IPCEF1: variants seen among roughly 807,000 people sequenced by gnomAD.
The protein encoded by IPCEF1 is interaction protein for cytohesin exchange factors 1.
Under a neutral mutation model 50.9 loss-of-function variants are expected in IPCEF1, and 31 were observed. The observed-to-expected ratio is 0.61, with a 90% CI of 0.46 to 0.82. The LOEUF (loss-of-function observed/expected upper bound fraction) is 0.82. IPCEF1 is among the 40% of genes least tolerant of loss of function. The pLI is 0.00. For missense variants in IPCEF1, 458 were observed against 514.0 expected (o/e 0.89, Z 1.05); for synonymous variants, 181 against 192.0 (o/e 0.94, Z 0.47).
chr6:154,246,521 G>T, intron 5 of IPCEF1, 70 bp downstream of exon 5: 3 of 1,483,734 alleles, frequency 2.0e-6, no homozygotes, highest in Non-Finnish European at 2.7e-6. Context: ...TTTCCCATAG[G>T]GATCACCTGA....
intron 1 of IPCEF1, among the ~76,000 whole-genome samples, chr6:154,327,145 A>G (rs948702952): frequency 1.3e-5 from 2 of 152,240 alleles, no homozygotes; most frequent in Non-Finnish European, 2.9e-5. Flanking sequence ...CATTCAGGAC[A>G]TAGTCACAGG....
At chr6:154,337,446 T>A (rs1783810901) in intron 1 of IPCEF1, among the ~76,000 whole-genome samples, 1 of 152,202 alleles carries the variant, frequency 6.6e-6, no homozygotes, top group African/African-American at 2.4e-5. Flanking sequence ...TTTGTCACAC[T>A]TACTCAAAGC....
At chr6:154,256,268 C>T (rs139756901) in intron 3 of IPCEF1, among the ~76,000 whole-genome samples, 1 of 152,112 alleles carries the variant, frequency 6.6e-6, no homozygotes, top group Non-Finnish European at 1.5e-5. Flanking sequence ...TCTCTCTGGT[C>T]TCTTCTTATA....
chr6:154,331,668 G>A (rs1413197258), intron 1 of IPCEF1, among the ~76,000 whole-genome samples: 1 of 152,168 alleles, frequency 6.6e-6, no homozygotes, highest in Non-Finnish European at 1.5e-5. Flanking sequence ...GCTCAAGCAT[G>A]TGCACTAAGA....
chr6:154,170,692 A>T (rs1799801357), intron 10 of IPCEF1, among the ~76,000 whole-genome samples: 1 of 152,206 alleles, frequency 6.6e-6, no homozygotes, highest in South Asian at 2.1e-4. Context: ...ACATGAAAAG[A>T]TGCTCAGTAT....
intron 1 of IPCEF1, among the ~76,000 whole-genome samples, chr6:154,346,642 T>G (rs1447475596): frequency 2.0e-5 from 3 of 152,184 alleles, no homozygotes; most frequent in Non-Finnish European, 4.4e-5. Context: ...TCAAGAAACT[T>G]ACAGTCATGG....
At chr6:154,242,691 A>G (rs1385318981) in intron 5 of IPCEF1, among the ~76,000 whole-genome samples, 1 of 152,216 alleles carries the variant, frequency 6.6e-6, no homozygotes, top group African/African-American at 2.4e-5. Flanking sequence ...GTTCGAGACT[A>G]GCCTGGCCAA....
In IPCEF1 at chr6:154,290,893, C is replaced by CTTTTTTT. The variant is rs3045866; in HGVS notation, c.-61-1144_-61-1138dup. Among the ~76,000 whole-genome samples the CTTTTTTT allele has an allele frequency of 1.7e-3, 220 of 127,274 alleles. 16 individuals carry two copies. The highest frequency in any genetic ancestry group is 2.6e-3 in the African/African-American group (81 of 31,552). 83.5% of individuals were successfully genotyped at this position (127,274 alleles called of 152,430 possible). ...AATTTTTCCAGTAGGAATATATTGCCTTTTTTTTTTTTTTGAGACAGAGTC... is the reference window on the plus strand; with the variant it reads ...AATTTTTCCAGTAGGAATATATTGCCTTTTTTTTTTTTTTTTTTTTTGAGACAGAGTC... On this transcript the variant is annotated intron_variant, in intron 1 of 11. Coordinates refer to ENST00000367220, the MANE Select transcript of IPCEF1 (RefSeq NM_001130700.2).
intron 5 of IPCEF1, among the ~76,000 whole-genome samples, chr6:154,226,073 G>A (rs1779226227): frequency 1.3e-5 from 2 of 152,080 alleles, no homozygotes; most frequent in South Asian, 4.2e-4. Flanking sequence ...TCTTTCAGGG[G>A]TCTTGTTCTC....
At chr6:154,308,746 C>T (rs186171138) in intron 1 of IPCEF1, among the ~76,000 whole-genome samples, 5 of 152,252 alleles carry the variant, frequency 3.3e-5, no homozygotes, top group African/African-American at 7.2e-5. Context: ...AAAAGAATCA[C>T]GAATACACAA....
At chr6:154,196,510 C>T (rs1258382933) in intron 10 of IPCEF1, among the ~76,000 whole-genome samples, 1 of 151,986 alleles carries the variant, frequency 6.6e-6, no homozygotes, top group Non-Finnish European at 1.5e-5. Flanking sequence ...ATTGGGTATT[C>T]GTCTTATTTG....
At chr6:154,274,702 C>T (rs1192278619) in intron 2 of IPCEF1, among the ~76,000 whole-genome samples, 1 of 152,146 alleles carries the variant, frequency 6.6e-6, no homozygotes, top group Non-Finnish European at 1.5e-5. Context: ...TCTATACCTG[C>T]AGGGGCCATT....
At position 154,294,073 on chromosome 6, in the gene IPCEF1, G is replaced by A. The variant is rs574023890; in HGVS notation, c.-61-4317C>T. Among the ~76,000 whole-genome samples, 6 of 152,192 alleles carry A rather than the reference G, an allele frequency of 3.9e-5. No individual in the cohort carries two copies. In the South Asian group the frequency reaches 8.3e-4, roughly 21 times the overall value. ...TGTCTTTGAACATGAGTTCAAAACT[G>A]GTAAAATTACCACTTTCAATAATAT... On this transcript the variant is annotated intron_variant, in intron 1 of 11. Coordinates refer to ENST00000367220, the MANE Select transcript of IPCEF1 (RefSeq NM_001130700.2).
At chr6:154,306,656 G>A (rs1782944049) in intron 1 of IPCEF1, 1 of 152,390 alleles carries the variant, frequency 6.6e-6, no homozygotes. Context: ...ACACAGCCAG[G>A]GCAGAGGACA....
chr6:154,183,102 C>T (rs1801039821), intron 10 of IPCEF1, among the ~76,000 whole-genome samples: 2 of 152,072 alleles, frequency 1.3e-5, no homozygotes, highest in Non-Finnish European at 2.9e-5. Context: ...GCCTCAGCTT[C>T]CCCAGTAGCT....
intron 1 of IPCEF1, among the ~76,000 whole-genome samples, chr6:154,307,916 C>A (rs1384754859): frequency 6.6e-6 from 1 of 152,152 alleles, no homozygotes; most frequent in Non-Finnish European, 1.5e-5. Flanking sequence ...CACCCACTGA[C>A]AAATAGTCAC....
chr6:154,178,564 T>C (rs983168472), intron 10 of IPCEF1, among the ~76,000 whole-genome samples: 1 of 152,174 alleles, frequency 6.6e-6, no homozygotes, highest in Non-Finnish European at 1.5e-5. Flanking sequence ...TATATGTAAA[T>C]ACAACTTGAT....
intron 1 of IPCEF1, among the ~76,000 whole-genome samples, chr6:154,348,686 A>G (rs1784074485): frequency 6.6e-6 from 1 of 152,214 alleles, no homozygotes; most frequent in Non-Finnish European, 1.5e-5. Flanking sequence ...AAGGAACCAG[A>G]AAATAAGGTC....
intron 9 of IPCEF1, among the ~76,000 whole-genome samples, chr6:154,202,728 A>C (rs1777170918): frequency 6.6e-6 from 1 of 152,198 alleles, no homozygotes; most frequent in African/African-American, 2.4e-5. Context: ...TGAGCATTAG[A>C]AATATCTGTG....
Sources: gnomAD v4.1 joint callset for allele counts (sites outside exome capture counted in the v4.1 genomes callset) on GRCh38, gnomAD v4.1.1 for gene constraint, MANE v1.5 for transcripts, NCBI Gene and HGNC (gene_info 2026-07-23, HGNC 2026-07-21) for gene names.